The following SBF2 variants were observed in gnomAD, a reference collection of about 807,000 sequenced individuals.
The protein encoded by SBF2 is myotubularin-related protein 13.
In SBF2, 112 loss-of-function variants were observed where a neutral mutation model predicts 225.2. The ratio of observed to expected loss-of-function variants is 0.50; its 90% CI spans 0.43 to 0.58. The LOEUF is 0.58. SBF2 is among the 20% of genes least tolerant of loss of function. The probability of loss-of-function intolerance (pLI) is 0.00; values close to 1 mark genes in which losing one functional copy is unlikely to be tolerated. For synonymous variants in SBF2, 763 were observed against 773.3 expected (o/e 0.99, Z 0.22); for missense variants, 1,996 against 2,206.2 (o/e 0.90, Z 1.91).
intron 17 of SBF2, among the ~76,000 whole-genome samples, chr11:9,882,810 A>C (rs1859927956): frequency 1.2e-5 from 1 of 83,848 alleles, no homozygotes; most frequent in Non-Finnish European, 2.2e-5. Context: ...AAAAAAAAAA[A>C]AAAAAAAAAA....
Position 9,829,403 on chromosome 11 carries a change from C to T in SBF2, c.3746G>A (p.Arg1249Lys). The T allele has an allele frequency of 2.5e-6, 4 of 1,614,112 alleles. No homozygotes were observed. Among genetic ancestry groups the T allele is most frequent in the Non-Finnish European group, 3.4e-6 (4 of 1,179,976 alleles). Residue 1249 changes from arginine to lysine, a missense_variant, in exon 28 of 40, where the codon AGA (arginine) becomes AAA (lysine). By Grantham distance (26) the Arg-to-Lys change is conservative. Transcript: ENST00000256190. ...CCTGACAGTAAGAGTGCTGTTGCCTCTGAGTTTCTGATGGACAGAAACAGC... is the reference window on the plus strand; with the variant it reads ...CCTGACAGTAAGAGTGCTGTTGCCTTTGAGTTTCTGATGGACAGAAACAGC... The part of the protein sequence containing the change: ...LNAVSVHQKL[R>K]GNSTLTVRPA...
intron 17 of SBF2, among the ~76,000 whole-genome samples, chr11:9,894,691 T>A (rs2134130475): frequency 6.7e-6 from 1 of 149,234 alleles, no homozygotes; most frequent in Admixed American, 6.7e-5. Context: ...CTCAAAAAAA[T>A]AAAAATAGGC....
chr11:10,162,299 G>A (rs1451307397), intron 2 of SBF2, among the ~76,000 whole-genome samples: 1 of 152,032 alleles, frequency 6.6e-6, no homozygotes, highest in African/African-American at 2.4e-5. Context: ...AGTGGAGGCT[G>A]AGGATAACTA....
chr11:9,917,093 A>G (rs1471975813), intron 16 of SBF2, among the ~76,000 whole-genome samples: 1 of 151,746 alleles, frequency 6.6e-6, no homozygotes, highest in Non-Finnish European at 1.5e-5. Flanking sequence ...TTCCATTTCA[A>G]TATGAAAGAT....
At chr11:10,231,480 G>A (rs1029202594) in intron 1 of SBF2, among the ~76,000 whole-genome samples, 2 of 152,052 alleles carry the variant, frequency 1.3e-5, no homozygotes, top group African/African-American at 4.8e-5. Flanking sequence ...GTACAGATGG[G>A]TTTTTGGTGT....
chr11:10,089,639 T>C (rs1400829658), intron 2 of SBF2, among the ~76,000 whole-genome samples: 1 of 152,076 alleles, frequency 6.6e-6, no homozygotes, highest in African/African-American at 2.4e-5. Flanking sequence ...CCAAAAAAAC[T>C]TGGAAATGAA....
At chr11:10,045,948 C>T (rs751203918) in intron 2 of SBF2, among the ~76,000 whole-genome samples, 9 of 150,908 alleles carry the variant, frequency 6.0e-5, no homozygotes, top group Non-Finnish European at 1.2e-4. Context: ...CAACCAACCA[C>T]GGATCAAAAA....
At chr11:10,031,833 T>G (rs1949271677) in intron 3 of SBF2, among the ~76,000 whole-genome samples, 1 of 152,178 alleles carries the variant, frequency 6.6e-6, no homozygotes, top group Non-Finnish European at 1.5e-5. Context: ...GCCTCAACTT[T>G]CTGGGCGTTA....
intron 1 of SBF2, among the ~76,000 whole-genome samples, chr11:10,249,958 A>C (rs1361707042): frequency 6.6e-6 from 1 of 152,040 alleles, no homozygotes; most frequent in East Asian, 1.9e-4. Context: ...ATGTTAAGTT[A>C]CATGGGAAGC....
chr11:9,902,935 G>A (rs1861834854), intron 16 of SBF2, among the ~76,000 whole-genome samples: 3 of 141,212 alleles, frequency 2.1e-5, no homozygotes, highest in Admixed American at 7.4e-5. Context: ...AACTAGTGGA[G>A]GAAAAAATGG....
intron 17 of SBF2, among the ~76,000 whole-genome samples, chr11:9,884,328 C>T (rs1434819560): frequency 6.6e-6 from 1 of 152,186 alleles, no homozygotes; most frequent in Admixed American, 6.5e-5. Flanking sequence ...AGCCAATAAT[C>T]TGGACCTTTA....
intron 29 of SBF2, 106 bp from the exon 30 acceptor site, chr11:9,812,814 G>C: frequency 9.3e-7 from 1 of 1,071,758 alleles, no homozygotes; most frequent in Non-Finnish European, 1.4e-6. Context: ...GGGCCAAATA[G>C]CTGCAGAGGC....
In SBF2 at chr11:10,043,050, T is replaced by C. The variant is rs1371699073; in HGVS notation, c.142-69A>G. On this transcript the variant is annotated intron_variant, in intron 2 of 39. Coordinates refer to ENST00000256190, the MANE Select transcript of SBF2 (RefSeq NM_030962.4). ...AAGTTAATTATTAATCTCTGAGAAA[T>C]TTTAAATGTTTGCCCATTTTAACAA... 13 of 1,491,416 alleles carry C rather than the reference T, an allele frequency of 8.7e-6. No homozygotes were observed. In the East Asian group the frequency reaches 3.0e-4, roughly 34 times the overall value. 92.4% of individuals were successfully genotyped at this position (1,491,416 alleles called of 1,614,324 possible).
intron 1 of SBF2, among the ~76,000 whole-genome samples, chr11:10,231,114 CT>C: frequency 6.6e-6 from 1 of 152,206 alleles, no homozygotes; most frequent in African/African-American, 2.4e-5. Context: ...GCTACTGAGG[CT>C]TGTGCATTCG....
chr11:10,143,335 G>T (rs868614902), intron 2 of SBF2, among the ~76,000 whole-genome samples: 71 of 152,058 alleles, frequency 4.7e-4, no homozygotes, highest in Middle Eastern at 3.4e-3. Flanking sequence ...ACTACGCCTG[G>T]CTAATTTTGT....
chr11:10,170,881 C>T (rs1471153922), intron 2 of SBF2, among the ~76,000 whole-genome samples: 2 of 151,156 alleles, frequency 1.3e-5, no homozygotes, highest in Non-Finnish European at 3.0e-5. Context: ...TTGGTTAATT[C>T]CTTGGTATTT....
At position 10,074,800 on chromosome 11, in the gene SBF2, G is replaced by A. The variant is rs74889483; in HGVS notation, c.142-31819C>T. Among the ~76,000 whole-genome samples, 290 of 152,230 alleles carry A rather than the reference G, an allele frequency of 1.9e-3. 8 individuals are homozygous for A. In the South Asian group the frequency reaches 0.023, roughly 12 times the overall value. ...ATACAAGTTTATCCATCTGAAAAGA[G>A]ATTTCTTGCTTATAGCCAGGTCAAT... is the stretch of plus-strand genomic sequence containing the variant. On this transcript the variant is annotated intron_variant, in intron 2 of 39. Coordinates refer to ENST00000256190, the MANE Select transcript of SBF2 (RefSeq NM_030962.4).
At chr11:10,096,168 T>C (rs930521840) in intron 2 of SBF2, among the ~76,000 whole-genome samples, 2 of 152,094 alleles carry the variant, frequency 1.3e-5, no homozygotes, top group African/African-American at 4.8e-5. Context: ...TTTGGCTAAA[T>C]AGATGCTAGA....
chr11:10,162,345 G>A (rs1281428903), intron 2 of SBF2, among the ~76,000 whole-genome samples: 1 of 152,162 alleles, frequency 6.6e-6, no homozygotes, highest in African/African-American at 2.4e-5. Context: ...TTGGGGCAAA[G>A]GAGTAATATA....
Sources: gnomAD v4.1 joint callset for allele counts (sites outside exome capture counted in the v4.1 genomes callset) on GRCh38, gnomAD v4.1.1 for gene constraint, MANE v1.5 for transcripts, NCBI Gene and HGNC (gene_info 2026-07-23, HGNC 2026-07-21) for gene names.